Variants in HTT observed in about 807,000 individuals in gnomAD.
HTT encodes huntingtin.
A neutral mutation model predicts 362.3 loss-of-function variants in HTT; 104 were observed. That is an observed-to-expected ratio of 0.29 (90% confidence interval 0.24 to 0.34). The LOEUF (loss-of-function observed/expected upper bound fraction) is 0.34. HTT is among the 10% of genes least tolerant of loss of function. HTT has a pLI of 1.00. For missense variants in HTT, 3,301 were observed against 3,928.6 expected (o/e 0.84, Z 4.27); for synonymous variants, 1,577 against 1,548.7 (o/e 1.02, Z -0.43).
chr4:3,183,351 G>A (rs1397688133), intron 37 of HTT, among the ~76,000 whole-genome samples: 1 of 152,236 alleles, frequency 6.6e-6, no homozygotes, highest in Non-Finnish European at 1.5e-5. Flanking sequence ...TCACAGAGAA[G>A]GGTGGTGGGG....
chr4:3,124,522 T>C (rs1715433524), intron 10 of HTT, among the ~76,000 whole-genome samples: 1 of 152,192 alleles, frequency 6.6e-6, no homozygotes, highest in Non-Finnish European at 1.5e-5. Flanking sequence ...GGAGCCTCTC[T>C]TCTGGTGGCA....
intron 40 of HTT, among the ~76,000 whole-genome samples, chr4:3,189,939 C>T (rs1214178824): frequency 3.3e-5 from 5 of 151,888 alleles, no homozygotes; most frequent in Non-Finnish European, 5.9e-5. Flanking sequence ...TCGCTTGAGC[C>T]CAGGAGGTTA....
intron 56 of HTT, among the ~76,000 whole-genome samples, chr4:3,224,549 C>T (rs1720821892): frequency 6.6e-6 from 1 of 152,218 alleles, no homozygotes; most frequent in African/African-American, 2.4e-5. Flanking sequence ...CTGCACCTCT[C>T]CCCTCCCTGG....
intron 41 of HTT, among the ~76,000 whole-genome samples, chr4:3,200,299 A>G (rs1490262496): frequency 6.6e-6 from 1 of 152,216 alleles, no homozygotes; most frequent in East Asian, 1.9e-4. Context: ...TAACCTCATT[A>G]TAAAGTAAAT....
intron 63 of HTT, 57 bp downstream of exon 63, chr4:3,235,835 G>C: frequency 1.5e-6 from 2 of 1,370,102 alleles, no homozygotes; most frequent in Non-Finnish European, 2.0e-6. Context: ...AGGGAGGCAG[G>C]AGCATGCTCA....
At chr4:3,183,707 G>A (rs958912079) in intron 37 of HTT, among the ~76,000 whole-genome samples, 1 of 152,138 alleles carries the variant, frequency 6.6e-6, no homozygotes, top group African/African-American at 2.4e-5. Flanking sequence ...GTTTTAGAAT[G>A]GTGCCCTGGA....
chr4:3,124,837 A>G (rs1715452273), intron 10 of HTT, among the ~76,000 whole-genome samples: 1 of 152,148 alleles, frequency 6.6e-6, no homozygotes, highest in African/African-American at 2.4e-5. Context: ...TTTTTCTTTG[A>G]AGAGCAGAAA....
intron 29 of HTT, among the ~76,000 whole-genome samples, chr4:3,169,613 G>T (rs1717878039): frequency 6.6e-6 from 1 of 150,838 alleles, no homozygotes; most frequent in Non-Finnish European, 1.5e-5. Flanking sequence ...TCACTCTGTT[G>T]CCCAGGCTGG....
chr4:3,126,654 A>C (rs1043143976), intron 11 of HTT, among the ~76,000 whole-genome samples: 1 of 152,180 alleles, frequency 6.6e-6, no homozygotes, highest in African/African-American at 2.4e-5. Flanking sequence ...TACCGACCCA[A>C]CTGCCCCAGG....
In HTT at chr4:3,127,327, C is replaced by T. The variant is rs1197329280; in HGVS notation, c.1466C>T (p.Ser489Leu). ...TCTTCAGGGGTTTCCACTCCAGGGT[C>T]AGCAGGTCATGACATCATCACAGAA... Reference protein sequence around the residue: ...AASSGVSTPGSAGHDIITEQP... With the variant: ...AASSGVSTPGLAGHDIITEQP... The change falls in exon 12 of 67, where the codon TCA (serine) becomes TTA (leucine). Residue 489 changes from serine to leucine, a missense_variant. This residue lies in a region of HTT where 2,316 missense variants were observed against 2,658.5 expected (regional missense o/e 0.87). Coordinates refer to ENST00000355072, the MANE Select transcript of HTT (RefSeq NM_001388492.1). The T allele has an allele frequency of 1.2e-6, 2 of 1,614,172 alleles. No individual in the cohort carries two copies. The highest frequency in any genetic ancestry group is 1.7e-6 in the Non-Finnish European group (2 of 1,180,018).
intron 8 of HTT, among the ~76,000 whole-genome samples, chr4:3,117,625 C>T (rs1322336279): frequency 6.6e-6 from 1 of 152,048 alleles, no homozygotes; most frequent in Non-Finnish European, 1.5e-5. Context: ...TCACTTGAAC[C>T]TGGGAGTTTG....
intron 28 of HTT, among the ~76,000 whole-genome samples, chr4:3,158,580 A>G (rs363100): frequency 0.18 from 26,786 of 152,086 alleles, 3,517 homozygotes; most frequent in African/African-American, 0.37. Context: ...GCTCTTGCAC[A>G]TTTCTTGATA....
intron 3 of HTT, among the ~76,000 whole-genome samples, chr4:3,103,281 A>G (rs991858382): frequency 4.9e-5 from 7 of 143,042 alleles, no homozygotes; most frequent in Non-Finnish European, 7.5e-5. Context: ...CTGGAGTGCA[A>G]TGGCGTGATC....
At chr4:3,234,896 A>C (rs1196314395) in intron 61 of HTT, among the ~76,000 whole-genome samples, 2 of 152,166 alleles carry the variant, frequency 1.3e-5, no homozygotes, top group African/African-American at 4.8e-5. Flanking sequence ...GCAGCACGTC[A>C]TGATGGCATG....
At chr4:3,083,558 C>T (rs867369132) in intron 1 of HTT, among the ~76,000 whole-genome samples, 5,025 of 148,958 alleles carry the variant, frequency 0.034, 184 homozygotes, top group African/African-American at 0.059. Flanking sequence ...CACACACACA[C>T]ACACACACAC....
At chr4:3,169,839 G>T (rs1013598211) in intron 29 of HTT, among the ~76,000 whole-genome samples, 2 of 152,222 alleles carry the variant, frequency 1.3e-5, no homozygotes, top group Admixed American at 6.5e-5. Context: ...CTCCCAAAGT[G>T]TTGGGATTAT....
chr4:3,097,741 A>G (rs1713928403), intron 2 of HTT, among the ~76,000 whole-genome samples: 1 of 152,250 alleles, frequency 6.6e-6, no homozygotes, highest in African/African-American at 2.4e-5. Flanking sequence ...AAAGACACAG[A>G]AACTATTAAA....
At chr4:3,119,373 ATAGAT>A (rs1368671468) in intron 8 of HTT, among the ~76,000 whole-genome samples, 6 of 152,232 alleles carry the variant, frequency 3.9e-5, no homozygotes, top group South Asian at 2.1e-4. Flanking sequence ...TAAGCAAGTA[ATAGAT>A]TAGAGTAAGA....
rs185038193 is a variant in HTT at position 3,114,141 on chromosome 4, G to A, written c.748-1163G>A. Among the ~76,000 whole-genome samples, 135 of 152,346 alleles carry A rather than the reference G, an allele frequency of 8.9e-4. 1 individual carries two copies. In the East Asian group the frequency reaches 0.012, roughly 13 times the overall value. On this transcript the variant is annotated intron_variant, in intron 6 of 66. Coordinates refer to ENST00000355072, the MANE Select transcript of HTT (RefSeq NM_001388492.1). The stretch of plus-strand genomic sequence containing the variant: ...AACGAGGGGATGGGCCGAATTAAAA[G>A]AAGAGGTTGGGCTAGTTAACCGCAG...
Sources: gnomAD v4.1 joint callset for allele counts (sites outside exome capture counted in the v4.1 genomes callset) on GRCh38, gnomAD v4.1.1 for gene constraint, gnomAD v4.1.1 regional missense constraint, MANE v1.5 for transcripts, NCBI Gene and HGNC (gene_info 2026-07-23, HGNC 2026-07-21) for gene names.